Variants in GUCY1A2 observed in about 807,000 individuals in gnomAD.
The protein encoded by GUCY1A2 is guanylate cyclase 1 soluble subunit alpha 2.
GUCY1A2 carries 27 observed loss-of-function variants against 63.5 expected under a neutral mutation model. The ratio of observed to expected loss-of-function variants is 0.43; its 90% CI spans 0.31 to 0.59. The LOEUF is 0.59. Among genes scored for constraint, GUCY1A2 ranks in the 20% least tolerant of loss-of-function variants. The probability of loss-of-function intolerance (pLI) is 0.11; values close to 1 mark genes in which losing one functional copy is unlikely to be tolerated. For synonymous variants in GUCY1A2, 364 were observed against 343.5 expected, an observed-to-expected ratio of 1.06 and a Z score of -0.66; for missense variants, 768 against 913.3, an observed-to-expected ratio of 0.84 and a Z score of 2.05.
At chr11:106,796,860 T>C (rs1162101375) in intron 5 of GUCY1A2, among the ~76,000 whole-genome samples, 1 of 152,196 alleles carries the variant, frequency 6.6e-6, no homozygotes, top group Admixed American at 6.5e-5. Context: ...GATAATAACC[T>C]GCAGAGTCTT....
At chr11:107,016,462 T>C (rs932536037) in intron 1 of GUCY1A2, among the ~76,000 whole-genome samples, 1 of 152,174 alleles carries the variant, frequency 6.6e-6, no homozygotes, top group Non-Finnish European at 1.5e-5. Flanking sequence ...AAGCCAAGGG[T>C]AGCTGAAATG....
At chr11:106,774,213 A>G (rs1321156482) in intron 6 of GUCY1A2, among the ~76,000 whole-genome samples, 2 of 151,894 alleles carry the variant, frequency 1.3e-5, no homozygotes, top group East Asian at 3.9e-4. Flanking sequence ...GTTCACGGCA[A>G]CCTCTGCCTC....
At chr11:106,919,557 T>A (rs2119895636) in intron 4 of GUCY1A2, among the ~76,000 whole-genome samples, 1 of 152,132 alleles carries the variant, frequency 6.6e-6, no homozygotes, top group African/African-American at 2.4e-5. Flanking sequence ...CATAGTGCAA[T>A]GTGGAAAACT....
At chr11:106,999,727 A>C (rs982458356) in intron 1 of GUCY1A2, among the ~76,000 whole-genome samples, 1 of 152,174 alleles carries the variant, frequency 6.6e-6, no homozygotes, top group African/African-American at 2.4e-5. Context: ...TACTTTTTCC[A>C]ATTACATGTC....
intron 1 of GUCY1A2, among the ~76,000 whole-genome samples, chr11:106,989,745 A>C (rs1041033658): frequency 2.6e-5 from 4 of 152,294 alleles, no homozygotes; most frequent in African/African-American, 9.6e-5. Flanking sequence ...TGGCAGCCAG[A>C]TTTATAAATA....
intron 4 of GUCY1A2, among the ~76,000 whole-genome samples, chr11:106,880,832 T>C (rs1181847456): frequency 1.3e-5 from 2 of 152,114 alleles, no homozygotes; most frequent in Admixed American, 6.6e-5. Context: ...TTTATTATTG[T>C]TGTTTGTTGT....
At chr11:106,859,700 A>T (rs1013733919) in intron 4 of GUCY1A2, among the ~76,000 whole-genome samples, 4 of 152,008 alleles carry the variant, frequency 2.6e-5, no homozygotes, top group Non-Finnish European at 5.9e-5. Flanking sequence ...CACTTACACA[A>T]CGGTGGTCCC....
Position 106,902,126 on chromosome 11 carries a change from T to C in GUCY1A2, c.1206+37334A>G, listed in dbSNP as rs187741572. 2.0e-5 allele frequency among the ~76,000 whole-genome samples: 3 copies of C among 152,298 alleles called. No homozygotes were observed. In the East Asian group the frequency reaches 5.8e-4, roughly 29 times the overall value. On this transcript the variant is annotated intron_variant, in intron 4 of 7. Coordinates refer to ENST00000526355, the MANE Select transcript of GUCY1A2 (RefSeq NM_000855.3). ...ATAAATGATGTTATGTTAGCAGGCATGCAAACAACATTTATCTCCTTGTAC... is the reference window on the plus strand; with the variant it reads ...ATAAATGATGTTATGTTAGCAGGCACGCAAACAACATTTATCTCCTTGTAC...
intron 4 of GUCY1A2, among the ~76,000 whole-genome samples, chr11:106,926,054 T>C (rs1215504941): frequency 6.6e-6 from 1 of 152,146 alleles, no homozygotes; most frequent in East Asian, 1.9e-4. Flanking sequence ...GAGTCAAGAA[T>C]TAACAAGTGT....
intron 6 of GUCY1A2, among the ~76,000 whole-genome samples, chr11:106,764,350 T>G (rs1363167304): frequency 1.3e-5 from 2 of 152,080 alleles, no homozygotes; most frequent in Non-Finnish European, 2.9e-5. Flanking sequence ...AGTTGTATTG[T>G]GAGTGGCAGT....
intron 2 of GUCY1A2, among the ~76,000 whole-genome samples, chr11:106,983,531 C>G (rs1252207279): frequency 6.6e-6 from 1 of 152,050 alleles, no homozygotes; most frequent in Non-Finnish European, 1.5e-5. Context: ...TATAAGAATC[C>G]AAGGAGCAGA....
At chr11:106,701,650 A>C (rs997123850) in intron 7 of GUCY1A2, among the ~76,000 whole-genome samples, 2 of 152,174 alleles carry the variant, frequency 1.3e-5, no homozygotes, top group African/African-American at 4.8e-5. Flanking sequence ...GAGACAATGT[A>C]GAGAAGTTAA....
intron 1 of GUCY1A2, among the ~76,000 whole-genome samples, chr11:107,003,101 T>A: frequency 6.6e-6 from 1 of 152,216 alleles, no homozygotes; most frequent in Non-Finnish European, 1.5e-5. Flanking sequence ...CTAATAAACT[T>A]AGATTTGGCC....
rs1478135388 is a variant in GUCY1A2, at chr11:106,679,383, G to C, written c.*8166C>G. On this transcript the variant is annotated 3_prime_UTR_variant, in exon 8 of 8. Coordinates refer to ENST00000526355, the MANE Select transcript of GUCY1A2 (RefSeq NM_000855.3). ...GTAAGAGACAGATGGACATTTTTCT[G>C]CTCTAAAGTTCCACACTTGTTTTGC... is the stretch of plus-strand genomic sequence containing the variant. 2 of 194,418 alleles carry C rather than the reference G, an allele frequency of 1.0e-5. No individual in the cohort carries two copies. Among genetic ancestry groups the C allele is most frequent in the African/African-American group, 4.7e-5 (2 of 43,010 alleles). The allele number at this position is 194,418 out of a possible 1,614,324, so 12.0% of individuals were successfully genotyped here. A position where few individuals can be genotyped will look rare whatever the true frequency, so the allele number is the denominator to read the frequency against.
chr11:106,918,899 T>G (rs1016284363), intron 4 of GUCY1A2, among the ~76,000 whole-genome samples: 1 of 152,206 alleles, frequency 6.6e-6, no homozygotes, highest in Non-Finnish European at 1.5e-5. Context: ...AACTTCAAAG[T>G]GGGCAACATC....
intron 6 of GUCY1A2, among the ~76,000 whole-genome samples, chr11:106,763,860 TA>T (rs1168799247): frequency 6.6e-6 from 1 of 152,078 alleles, no homozygotes; most frequent in Non-Finnish European, 1.5e-5. Flanking sequence ...GTTACGTAAA[TA>T]AAAAATAATC....
At chr11:106,866,730 C>T (rs960196600) in intron 4 of GUCY1A2, among the ~76,000 whole-genome samples, 1 of 151,988 alleles carries the variant, frequency 6.6e-6, no homozygotes, top group African/African-American at 2.4e-5. Context: ...AATTAAAATG[C>T]ACAGTATCTG....
chr11:106,714,669 A>C (rs182264680), intron 6 of GUCY1A2, among the ~76,000 whole-genome samples: 1 of 152,192 alleles, frequency 6.6e-6, no homozygotes. Flanking sequence ...CACTAAACCA[A>C]TGGTTCTCAC....
chr11:106,679,824 G>T lies in GUCY1A2; in HGVS notation c.*7725C>A. 1 of 217,620 alleles carries T rather than the reference G, an allele frequency of 4.6e-6. No individual in the cohort carries two copies. Among genetic ancestry groups the T allele is most frequent in the Non-Finnish European group, 9.2e-6 (1 of 108,212 alleles). 13.5% of individuals were successfully genotyped at this position (217,620 alleles called of 1,614,324 possible). ...ACCTTAATCATTGTAACCAAGACTAGTTCTATCTGCCACCTTCAGAAAGCA... is the reference window on the plus strand; with the variant it reads ...ACCTTAATCATTGTAACCAAGACTATTTCTATCTGCCACCTTCAGAAAGCA... On this transcript the variant is annotated 3_prime_UTR_variant, in exon 8 of 8. Transcript: ENST00000526355.
Sources: gnomAD v4.1 joint callset for allele counts (sites outside exome capture counted in the v4.1 genomes callset) on GRCh38, gnomAD v4.1.1 for gene constraint, MANE v1.5 for transcripts, NCBI Gene and HGNC (gene_info 2026-07-23, HGNC 2026-07-21) for gene names.